Variants in LARS2 observed in about 807,000 individuals in gnomAD.
LARS2 encodes the protein leucyl-tRNA synthetase 2, mitochondrial.
A neutral mutation model predicts 116.6 loss-of-function variants in LARS2; 81 were observed. The observed-to-expected ratio is 0.69, with a 90% CI of 0.58 to 0.84. The LOEUF is 0.84. Among genes scored for constraint, LARS2 ranks in the 40% least tolerant of loss-of-function variants. LARS2 has a pLI of 0.00. For missense variants in LARS2, 968 were observed against 1,114.5 expected (o/e 0.87, Z 1.87); for synonymous variants, 396 against 407.2 (o/e 0.97, Z 0.33).
At chr3:45,497,876 C>T (rs1157593834) in intron 14 of LARS2, among the ~76,000 whole-genome samples, 1 of 151,162 alleles carries the variant, frequency 6.6e-6, no homozygotes, top group Non-Finnish European at 1.5e-5. Flanking sequence ...CACTGCACTC[C>T]AGCCTGGGCA....
At chr3:45,396,093 T>A (rs1698038696) in intron 3 of LARS2, among the ~76,000 whole-genome samples, 2 of 152,262 alleles carry the variant, frequency 1.3e-5, no homozygotes, top group Admixed American at 1.3e-4. Context: ...TTTGATGTTG[T>A]AGCTTACTGA....
chr3:45,440,054 G>A (rs1228232820), intron 6 of LARS2, among the ~76,000 whole-genome samples: 3 of 152,164 alleles, frequency 2.0e-5, no homozygotes, highest in African/African-American at 4.8e-5. Context: ...AGGACTTAGC[G>A]GAGAGTGGCC....
At chr3:45,445,720 C>T (rs1220774028) in intron 6 of LARS2, among the ~76,000 whole-genome samples, 3 of 152,178 alleles carry the variant, frequency 2.0e-5, no homozygotes, top group Non-Finnish European at 2.9e-5. Context: ...TATTACTCTG[C>T]TGTTTTTATA....
chr3:45,465,446 G>GGGACTGGGCA (rs1194189788), intron 8 of LARS2, among the ~76,000 whole-genome samples: 2 of 152,346 alleles, frequency 1.3e-5, no homozygotes, highest in African/African-American at 4.8e-5. Context: ...TTCTAGGGAT[G>GGGACTGGGCA]GGACTGGGCA....
intron 8 of LARS2, among the ~76,000 whole-genome samples, chr3:45,468,114 A>T (rs1041043778): frequency 6.6e-6 from 1 of 152,060 alleles, no homozygotes; most frequent in Non-Finnish European, 1.5e-5. Context: ...AAAAAAGATT[A>T]TTATCATTTT....
intron 11 of LARS2, among the ~76,000 whole-genome samples, chr3:45,487,864 TCTC>T (rs963121934): frequency 6.6e-6 from 1 of 152,148 alleles, no homozygotes; most frequent in African/African-American, 2.4e-5. Context: ...ATGCTCAACT[TCTC>T]CTCAAGGACA....
chr3:45,471,373 T>C lies in LARS2; in HGVS notation c.751-2870T>C, dbSNP rs1699523410. ...TTTGGTTTTTCACAATATTCATAGA[T>C]TTGGTTAGGTTTTAAGCAGGCATTG... is the stretch of plus-strand genomic sequence containing the variant. On this transcript the variant is annotated intron_variant, in intron 8 of 21. Transcript: ENST00000645846. Among the ~76,000 whole-genome samples the C allele has an allele frequency of 5.3e-5, 8 of 152,206 alleles. 1 individual carries two copies. The highest frequency in any genetic ancestry group is 5.2e-4 in the Admixed American group (8 of 15,282).
chr3:45,418,059 C>T (rs1380263329), intron 5 of LARS2, among the ~76,000 whole-genome samples: 1 of 152,178 alleles, frequency 6.6e-6, no homozygotes, highest in East Asian at 1.9e-4. Context: ...GTGTGGTTTT[C>T]TCCAAGGCGG....
chr3:45,506,687 G>A (rs1165132722), intron 15 of LARS2, among the ~76,000 whole-genome samples: 1 of 152,044 alleles, frequency 6.6e-6, no homozygotes, highest in Non-Finnish European at 1.5e-5. Flanking sequence ...CCCCTGATTA[G>A]CTGTGTGGAC....
intron 21 of LARS2, among the ~76,000 whole-genome samples, chr3:45,545,802 G>A (rs1367727442): frequency 6.6e-6 from 1 of 151,526 alleles, no homozygotes; most frequent in South Asian, 2.1e-4. Context: ...TTAGAAATGG[G>A]TCATTGTTGT....
chr3:45,445,555 C>A (rs1699004639), intron 6 of LARS2, among the ~76,000 whole-genome samples: 1 of 152,156 alleles, frequency 6.6e-6, no homozygotes, highest in Admixed American at 6.5e-5. Context: ...GAAATTATGG[C>A]TCTTGTGTTG....
chr3:45,536,070 G>A (rs766177535), intron 20 of LARS2, among the ~76,000 whole-genome samples: 40 of 152,070 alleles, frequency 2.6e-4, no homozygotes, highest in Non-Finnish European at 2.5e-4. Flanking sequence ...GACTATGAGA[G>A]GAAGGAAGGG....
chr3:45,392,603 A>AT (rs374588804), intron 2 of LARS2, among the ~76,000 whole-genome samples: 48 of 148,242 alleles, frequency 3.2e-4, no homozygotes, highest in South Asian at 1.3e-3. Context: ...CCTAAGAGAG[A>AT]TTTTTTTTTT....
At chr3:45,419,768 G>A in intron 6 of LARS2, 39 bp downstream of exon 6, 1 of 1,525,514 alleles carries the variant, frequency 6.6e-7, no homozygotes. Context: ...GTCATTTTAA[G>A]GAAGGACTTG....
intron 6 of LARS2, among the ~76,000 whole-genome samples, chr3:45,436,464 T>G (rs1348003193): frequency 6.6e-6 from 1 of 152,146 alleles, no homozygotes; most frequent in Non-Finnish European, 1.5e-5. Flanking sequence ...ATCTGTAGTT[T>G]AATGGAGGGT....
intron 7 of LARS2, among the ~76,000 whole-genome samples, chr3:45,448,844 C>T (rs1699064969): frequency 6.6e-6 from 1 of 152,232 alleles, no homozygotes; most frequent in South Asian, 2.1e-4. Flanking sequence ...CACAATCTTC[C>T]AGCGTGGGCT....
At chr3:45,457,091 G>T (rs1699225631) in intron 7 of LARS2, among the ~76,000 whole-genome samples, 3 of 152,362 alleles carry the variant, frequency 2.0e-5, no homozygotes, top group African/African-American at 7.2e-5. Context: ...CCTGTAGGCT[G>T]CAGGGGCAAC....
chr3:45,499,492 T>G (rs577642201), intron 14 of LARS2, among the ~76,000 whole-genome samples: 1 of 151,516 alleles, frequency 6.6e-6, no homozygotes, highest in South Asian at 2.1e-4. Flanking sequence ...CAGAGTGGTG[T>G]GTGTCTGTAG....
intron 20 of LARS2, among the ~76,000 whole-genome samples, chr3:45,528,582 C>T (rs546133824): frequency 6.6e-6 from 1 of 152,316 alleles, no homozygotes; most frequent in East Asian, 1.9e-4. Context: ...CACCATTAGT[C>T]AATCCCACAC....
Sources: gnomAD v4.1 joint callset for allele counts (sites outside exome capture counted in the v4.1 genomes callset) on GRCh38, gnomAD v4.1.1 for gene constraint, MANE v1.5 for transcripts, NCBI Gene and HGNC (gene_info 2026-07-23, HGNC 2026-07-21) for gene names.